EZH2: variants seen among roughly 807,000 people sequenced by gnomAD.
The protein encoded by EZH2 is enhancer of zeste 2 polycomb repressive complex 2 subunit.
In EZH2, 18 loss-of-function variants were observed where a neutral mutation model predicts 98.4. The ratio of observed to expected loss-of-function variants is 0.18; its 90% CI spans 0.13 to 0.27. EZH2 has a LOEUF of 0.27. EZH2 is among the 10% of genes least tolerant of loss of function. The probability of loss-of-function intolerance (pLI) is 1.00; values close to 1 mark genes in which losing one functional copy is unlikely to be tolerated. For synonymous variants in EZH2, 338 were observed against 312.3 expected (o/e 1.08, Z -0.87); for missense variants, 470 against 935.1 (o/e 0.50, Z 6.49).
intron 8 of EZH2, among the ~76,000 whole-genome samples, chr7:148,824,230 C>T (rs566863480): frequency 1.4e-5 from 2 of 146,922 alleles, no homozygotes; most frequent in Admixed American, 1.4e-4. Context: ...CAGGAGAATC[C>T]TTTGAATCCA....
intron 1 of EZH2, among the ~76,000 whole-genome samples, chr7:148,879,161 G>A (rs1008042302): frequency 6.6e-6 from 1 of 151,804 alleles, no homozygotes; most frequent in Non-Finnish European, 1.5e-5. Flanking sequence ...GGAGGCAGAG[G>A]TTGCAGTGAG....
intron 1 of EZH2, among the ~76,000 whole-genome samples, chr7:148,856,638 G>T (rs2129487437): frequency 6.6e-6 from 1 of 152,292 alleles, no homozygotes; most frequent in Admixed American, 6.5e-5. Context: ...TACAAGGCAA[G>T]CCAGTAGAAG....
At position 148,816,785 on chromosome 7, in the gene EZH2, A is replaced by G; in HGVS notation, c.1411-7T>C. On this transcript the variant is annotated splice_polypyrimidine_tract_variant and splice_region_variant and intron_variant, in intron 11 of 19. Coordinates refer to ENST00000320356, the MANE Select transcript of EZH2 (RefSeq NM_004456.5). The stretch of plus-strand genomic sequence containing the variant: ...TGACTCTAAACTCATACACCTGACA[A>G]GAGGCACAGTCACAGAGCCATGAGG... 2 of 1,607,460 alleles carry G rather than the reference A, an allele frequency of 1.2e-6. No homozygotes were observed. Among genetic ancestry groups the G allele is most frequent in the Middle Eastern group, 1.7e-4 (1 of 6,050 alleles).
chr7:148,848,938 C>G (rs1218698637), intron 1 of EZH2, among the ~76,000 whole-genome samples: 1 of 151,440 alleles, frequency 6.6e-6, no homozygotes, highest in Non-Finnish European at 1.5e-5. Context: ...TTTTTTTTTA[C>G]CTGGCTTCCT....
At chr7:148,810,883 C>T (rs965844351) in intron 16 of EZH2, among the ~76,000 whole-genome samples, 20 of 111,756 alleles carry the variant, frequency 1.8e-4, no homozygotes, top group Non-Finnish European at 2.5e-4. Context: ...GCAACAAGAG[C>T]GAAACTCTGT....
chr7:148,845,905 T>C (rs916446608), intron 3 of EZH2, among the ~76,000 whole-genome samples: 1 of 152,216 alleles, frequency 6.6e-6, no homozygotes, highest in African/African-American at 2.4e-5. Flanking sequence ...TATTTAATTA[T>C]AGATTCTACC....
chr7:148,817,454 T>C, intron 10 of EZH2, 63 bp from the exon 11 acceptor site: 1 of 1,528,356 alleles, frequency 6.5e-7, no homozygotes, highest in Non-Finnish European at 8.9e-7. Flanking sequence ...GAAGTACAAT[T>C]CAGGGTGTGC....
chr7:148,884,252 T>A lies in EZH2; in HGVS notation c.-96A>T, dbSNP rs1446181129. 5.6e-6 allele frequency: 1 copy of A among 178,444 alleles called. No homozygotes were observed. The highest frequency in any genetic ancestry group is 1.2e-5 in the Non-Finnish European group (1 of 83,700). The allele number at this position is 178,444 out of a possible 1,614,324, so 11.1% of individuals were successfully genotyped here. A position where few individuals can be genotyped will look rare whatever the true frequency, so the allele number is the denominator to read the frequency against. ...CGCCGGGGCTCCACTGCCTTCTGAG[T>A]CCCACCGGGTGTCGGACGCGACCGG... On this transcript the variant is annotated 5_prime_UTR_variant, in exon 1 of 20. Transcript: ENST00000320356.
intron 1 of EZH2, among the ~76,000 whole-genome samples, chr7:148,855,953 G>C (rs1816771475): frequency 6.9e-6 from 1 of 145,206 alleles, no homozygotes; most frequent in Non-Finnish European, 1.5e-5. Flanking sequence ...AATGGCAGAT[G>C]AGTAATATCA....
Position 148,828,337 on chromosome 7 carries a change from C to CT in EZH2, c.625+402dup, listed in dbSNP as rs888097847. Among the ~76,000 whole-genome samples, 328 of 149,700 alleles carry CT rather than the reference C, an allele frequency of 2.2e-3. 3 individuals carry two copies. The highest frequency in any genetic ancestry group is 6.9e-3 in the Middle Eastern group (2 of 290). On this transcript the variant is annotated intron_variant, in intron 6 of 19. Transcript: ENST00000320356. ...TGAAGATAATGTTGCAAGTATTATG[C>CT]TTTTTTTTTTCTTTTTTAAGGCAAG...
chr7:148,822,270 G>A (rs1174077895), intron 8 of EZH2, among the ~76,000 whole-genome samples: 1 of 151,850 alleles, frequency 6.6e-6, no homozygotes, highest in Non-Finnish European at 1.5e-5. Flanking sequence ...AGCACTTTCA[G>A]AGGCTGAGGC....
chr7:148,841,187 T>G (rs1168629029), intron 3 of EZH2, among the ~76,000 whole-genome samples: 1 of 152,086 alleles, frequency 6.6e-6, no homozygotes, highest in Non-Finnish European at 1.5e-5. Flanking sequence ...TGACCTTTTT[T>G]TTTTAAGCTA....
At chr7:148,849,314 A>G (rs555512824) in intron 1 of EZH2, among the ~76,000 whole-genome samples, 1 of 152,344 alleles carries the variant, frequency 6.6e-6, no homozygotes, top group South Asian at 2.1e-4. Flanking sequence ...AAAGGCAAAG[A>G]AAGAACCTAA....
At chr7:148,813,902 T>A in intron 15 of EZH2, 57 bp downstream of exon 15, 1 of 1,542,608 alleles carries the variant, frequency 6.5e-7, no homozygotes, top group Non-Finnish European at 8.8e-7. Flanking sequence ...AATCCTGACA[T>A]TTGCATCACT....
At position 148,884,223 on chromosome 7, in the gene EZH2, C is replaced by G. The variant is rs1356354491; in HGVS notation, c.-67G>C. The G allele has an allele frequency of 5.8e-6, 1 of 173,602 alleles. No homozygotes were observed. The highest frequency in any genetic ancestry group is 6.4e-5 in the Admixed American group (1 of 15,628). 10.8% of individuals were successfully genotyped at this position (173,602 alleles called of 1,614,324 possible). ...GCGTCGCCCCCGCGCGCCGCCGCCG[C>G]CGCCGCCGGGGCTCCACTGCCTTCT... On this transcript the variant is annotated 5_prime_UTR_variant, in exon 1 of 20. Coordinates refer to ENST00000320356, the MANE Select transcript of EZH2 (RefSeq NM_004456.5).
In EZH2 at chr7:148,811,728, A is replaced by G. The variant is rs1344810973; in HGVS notation, c.1852-8T>C. The G allele has an allele frequency of 3.7e-6, 6 of 1,608,496 alleles. No individual in the cohort carries two copies. The highest frequency in any genetic ancestry group is 5.1e-6 in the Non-Finnish European group (6 of 1,178,284). On this transcript the variant is annotated splice_polypyrimidine_tract_variant and splice_region_variant and intron_variant, in intron 15 of 19. Coordinates refer to ENST00000320356, the MANE Select transcript of EZH2 (RefSeq NM_004456.5). The stretch of plus-strand genomic sequence containing the variant: ...TGGTGCCAGCAATAGATGCTAGAGA[A>G]TAAAACACAATCACATCATCAAAAA...
Position 148,834,352 on chromosome 7 carries a change from T to TAC in EZH2, c.247-1604_247-1603dup, listed in dbSNP as rs10542159. Among the ~76,000 whole-genome samples the TAC allele has an allele frequency of 3.7e-3, 528 of 143,400 alleles. 2 individuals are homozygous for TAC. Among genetic ancestry groups the TAC allele is most frequent in the East Asian group, 0.019 (93 of 5,024 alleles). 94.1% of individuals were successfully genotyped at this position (143,400 alleles called of 152,430 possible). A position where few individuals can be genotyped will look rare whatever the true frequency, so the allele number is the denominator to read the frequency against. On this transcript the variant is annotated intron_variant, in intron 3 of 19. Coordinates refer to ENST00000320356, the MANE Select transcript of EZH2 (RefSeq NM_004456.5). The stretch of plus-strand genomic sequence containing the variant: ...TGAAAAATCATTATATATATATATA[T>TAC]ACACACACACACACACACACACACA...
intron 1 of EZH2, among the ~76,000 whole-genome samples, chr7:148,870,076 G>C (rs1224776286): frequency 6.6e-6 from 1 of 152,146 alleles, no homozygotes; most frequent in East Asian, 1.9e-4. Flanking sequence ...AATCTTCATA[G>C]CATAACTTGA....
intron 1 of EZH2, among the ~76,000 whole-genome samples, chr7:148,854,349 T>TG (rs375487264): frequency 0.022 from 3,344 of 149,894 alleles, 110 homozygotes; most frequent in African/African-American, 0.078. Flanking sequence ...GGCAGGAGAA[T>TG]GGCGTGAACC....
Sources: gnomAD v4.1 joint callset for allele counts (sites outside exome capture counted in the v4.1 genomes callset) on GRCh38, gnomAD v4.1.1 for gene constraint, MANE v1.5 for transcripts, NCBI Gene and HGNC (gene_info 2026-07-23, HGNC 2026-07-21) for gene names.